The following GUCY2C variants were observed in gnomAD, a reference collection of about 807,000 sequenced individuals.
The protein encoded by GUCY2C is guanylyl cyclase C.
A neutral mutation model predicts 131.1 loss-of-function variants in GUCY2C; 118 were observed. The ratio of observed to expected loss-of-function variants is 0.90; its 90% CI spans 0.78 to 1.05. The LOEUF (loss-of-function observed/expected upper bound fraction) is 1.05. Among genes scored for constraint, GUCY2C ranks in the 50% least tolerant of loss-of-function variants. GUCY2C has a pLI of 0.00. For synonymous variants in GUCY2C, 452 were observed against 457.8 expected, an observed-to-expected ratio of 0.99 and a Z score of 0.16; for missense variants, 1,161 against 1,304.4, an observed-to-expected ratio of 0.89 and a Z score of 1.69.
Position 14,681,459 on chromosome 12 carries a change from C to T in GUCY2C, c.630G>A (p.Glu210=), listed in dbSNP as rs1254852759. The change falls in exon 5 of 27, where the codon GAG becomes GAA. Residue 210 remains glutamate, a synonymous_variant. Coordinates refer to ENST00000261170, the MANE Select transcript of GUCY2C (RefSeq NM_004963.4). ...CGTGGGAGAAATAGGAAACGCTAGC[C>T]TCCAGAGCATTAAGGTACCTGGAAT... ...EDCFWYLNAL[E]ASVSYFSHEL... 1.2e-6 allele frequency: 2 copies of T among 1,607,012 alleles called. No individual in the cohort carries two copies. Among genetic ancestry groups the T allele is most frequent in the East Asian group, 2.2e-5 (1 of 44,580 alleles).
At chr12:14,637,121 A>G (rs557258425) in intron 19 of GUCY2C, among the ~76,000 whole-genome samples, 1 of 145,782 alleles carries the variant, frequency 6.9e-6, no homozygotes, top group African/African-American at 2.5e-5. Context: ...AAAAATCGGT[A>G]GTGTTTTTAT....
intron 10 of GUCY2C, among the ~76,000 whole-genome samples, chr12:14,662,406 T>G (rs1947886241): frequency 6.6e-6 from 1 of 152,082 alleles, no homozygotes. Flanking sequence ...CCGGGTGCGG[T>G]GGCTCATACC....
Position 14,676,940 on chromosome 12 carries a change from G to A in GUCY2C, c.862C>T (p.Pro288Ser), listed in dbSNP as rs201829305. ...DQYFEDNVTA[P>S]DYMKNVLVLT... Reference sequence around the variant, plus strand: ...ACAAGGACATTTTTCATATAGTCAGGGGCTGTGACATTGTCCTCAAAGTAC... The same window carrying A: ...ACAAGGACATTTTTCATATAGTCAGAGGCTGTGACATTGTCCTCAAAGTAC... Residue 288 changes from proline (P) to serine (S), a missense_variant, in exon 7 of 27, where the codon CCT becomes TCT. By Grantham distance (74) the Pro-to-Ser change is moderately conservative. Coordinates refer to ENST00000261170, the MANE Select transcript of GUCY2C (RefSeq NM_004963.4). 4 of 1,556,442 alleles carry A rather than the reference G, an allele frequency of 2.6e-6. No individual in the cohort carries two copies. Among genetic ancestry groups the A allele is most frequent in the South Asian group, 1.2e-5 (1 of 84,122 alleles).
intron 5 of GUCY2C, 42 bp downstream of exon 5, chr12:14,681,314 A>G (rs970505933): frequency 5.7e-6 from 9 of 1,587,494 alleles, no homozygotes; most frequent in Non-Finnish European, 6.9e-6. Context: ...GTAGTCATAA[A>G]GAAGAAGTTA....
In GUCY2C at chr12:14,621,217, C is replaced by T. The variant is rs1298824391; in HGVS notation, c.2602-1G>A. 2 of 1,608,226 alleles carry T rather than the reference C, an allele frequency of 1.2e-6. No individual in the cohort carries two copies. Among genetic ancestry groups the T allele is most frequent in the Admixed American group, 1.7e-5 (1 of 59,868 alleles). On this transcript the variant is annotated splice_acceptor_variant, in intron 22 of 26. Coordinates refer to ENST00000261170, the MANE Select transcript of GUCY2C (RefSeq NM_004963.4). LOFTEE classifies it high-confidence loss of function. The stretch of plus-strand genomic sequence containing the variant: ...TGTACGCATCACCGATGGTTTCCAC[C>T]TGTGGAAACAGTTTCTCATGAGTGC...
chr12:14,666,920 T>G (rs1947993504), intron 10 of GUCY2C, among the ~76,000 whole-genome samples: 1 of 152,200 alleles, frequency 6.6e-6, no homozygotes, highest in Non-Finnish European at 1.5e-5. Flanking sequence ...AGGTTGTTAG[T>G]TAACTGAGGC....
intron 19 of GUCY2C, among the ~76,000 whole-genome samples, chr12:14,633,958 C>T (rs982299916): frequency 6.6e-6 from 1 of 152,054 alleles, no homozygotes; most frequent in Non-Finnish European, 1.5e-5. Flanking sequence ...TCCCAAAAGG[C>T]GAAGAGAAAA....
intron 4 of GUCY2C, among the ~76,000 whole-genome samples, chr12:14,682,539 A>G (rs1279505160): frequency 1.3e-5 from 2 of 152,218 alleles, no homozygotes; most frequent in African/African-American, 2.4e-5. Flanking sequence ...AGTTCTTTAT[A>G]GCAGTATGAA....
rs1420253371 is a variant in GUCY2C at position 14,613,604 on chromosome 12, C to A, written c.3048-313G>T. ...GAAAAGAAGCTGGGAGGATGCTAGG[C>A]CCCTGCCACACAACCCTGAAAACTC... On this transcript the variant is annotated intron_variant, in intron 26 of 26. Transcript: ENST00000261170. This position sits in a 1 kb window ranked among gnomAD's most constrained non-coding sequence, Gnocchi z 4.9. Among the ~76,000 whole-genome samples the A allele has an allele frequency of 6.6e-6, 1 of 152,098 alleles. No individual in the cohort carries two copies. The highest frequency in any genetic ancestry group is 1.5e-5 in the Non-Finnish European group (1 of 68,002).
intron 21 of GUCY2C, among the ~76,000 whole-genome samples, chr12:14,624,710 T>C (rs1329462848): frequency 6.6e-6 from 1 of 152,236 alleles, no homozygotes; most frequent in Non-Finnish European, 1.5e-5. Flanking sequence ...TGGTGTATTG[T>C]AGCTCTTCAA....
Position 14,661,069 on chromosome 12 carries a change from C to T in GUCY2C, c.1283-7G>A, listed in dbSNP as rs115651685. The stretch of plus-strand genomic sequence containing the variant: ...ATCATCAGGATCTGAGGGCCTGTGG[C>T]GGAAAATGCGTTAGGAAGGACCTTA... On this transcript the variant is annotated splice_polypyrimidine_tract_variant and splice_region_variant and intron_variant, in intron 10 of 26. Coordinates refer to ENST00000261170, the MANE Select transcript of GUCY2C (RefSeq NM_004963.4). 9,319 of 1,583,472 alleles carry T rather than the reference C, an allele frequency of 5.9e-3. 421 individuals carry two copies. In the African/African-American group the frequency reaches 0.11, roughly 18 times the overall value.
chr12:14,614,559 A>G lies in GUCY2C; in HGVS notation c.3047+308T>C, dbSNP rs201743221. The G allele has an allele frequency of 3.0e-3, 543 of 178,282 alleles. 4 individuals are homozygous for G. The highest frequency in any genetic ancestry group is 0.012 in the African/African-American group (505 of 41,208). The allele number at this position is 178,282 out of a possible 1,614,324, so 11.0% of individuals were successfully genotyped here. ...TCTTGGGATAAAGGATCCACAGTGG[A>G]AAAAAAAAAAGGTAGTTTTATACTG... On this transcript the variant is annotated intron_variant, in intron 26 of 26. Transcript: ENST00000261170.
chr12:14,661,965 T>C (rs1947876013), intron 10 of GUCY2C, among the ~76,000 whole-genome samples: 1 of 151,942 alleles, frequency 6.6e-6, no homozygotes, highest in Admixed American at 6.6e-5. Flanking sequence ...AAAATGTGGA[T>C]CCAACCCAAG....
chr12:14,672,412 T>C (rs566281436), intron 9 of GUCY2C: 4 of 152,740 alleles, frequency 2.6e-5, no homozygotes, highest in African/African-American at 9.6e-5. Context: ...CAGGGCTGTT[T>C]ATGTGGGGCT....
At chr12:14,687,902 A>G (rs1948503388) in intron 2 of GUCY2C, 49 bp downstream of exon 2, 1 of 970,238 alleles carries the variant, frequency 1.0e-6, no homozygotes, top group Non-Finnish European at 1.7e-6. Flanking sequence ...CACTGGGATT[A>G]TCCTGTGCCC....
At chr12:14,652,317 G>A (rs1947679213) in intron 13 of GUCY2C, among the ~76,000 whole-genome samples, 1 of 152,156 alleles carries the variant, frequency 6.6e-6, no homozygotes, top group African/African-American at 2.4e-5. Context: ...TGGGACTACA[G>A]GCATGCACCA....
intron 19 of GUCY2C, among the ~76,000 whole-genome samples, chr12:14,633,465 C>T (rs771815188): frequency 2.0e-5 from 3 of 152,002 alleles, no homozygotes; most frequent in Non-Finnish European, 4.4e-5. Context: ...AATTGTTACA[C>T]CAGATGCACA....
intron 1 of GUCY2C, among the ~76,000 whole-genome samples, chr12:14,693,975 A>G (rs1204307115): frequency 6.6e-6 from 1 of 152,230 alleles, no homozygotes; most frequent in East Asian, 1.9e-4. Flanking sequence ...AAGAACAACT[A>G]CATTAATGTC....
rs971865127 is a variant in GUCY2C, at chr12:14,612,684, C to G, written c.*433G>C. ...TGCCTAATATATAGCATATTTTCTG[C>G]AAAAATTATGAGTTAAATATACTTT... On this transcript the variant is annotated 3_prime_UTR_variant, in exon 27 of 27. Transcript: ENST00000261170. 2.6e-5 allele frequency: 4 copies of G among 154,406 alleles called. No homozygotes were observed. The highest frequency in any genetic ancestry group is 9.7e-5 in the African/African-American group (4 of 41,266). The allele number at this position is 154,406 out of a possible 1,614,324, so 9.6% of individuals were successfully genotyped here. A position where few individuals can be genotyped will look rare whatever the true frequency, so the allele number is the denominator to read the frequency against.
Sources: gnomAD v4.1 joint callset for allele counts (sites outside exome capture counted in the v4.1 genomes callset) on GRCh38, gnomAD v4.1.1 for gene constraint, Gnocchi (gnomAD v3.1) non-coding constraint, MANE v1.5 for transcripts, NCBI Gene and HGNC (gene_info 2026-07-23, HGNC 2026-07-21) for gene names.